DET1: variants seen among roughly 807,000 people sequenced by gnomAD.
DET1 encodes DET1 partner of COP1 E3 ubiquitin ligase.
DET1 carries 22 observed loss-of-function variants against 43.7 expected under a neutral mutation model. The observed-to-expected ratio is 0.50, with a 90% CI of 0.36 to 0.72. The LOEUF (loss-of-function observed/expected upper bound fraction) is 0.72, where lower values mean the gene tolerates loss of function less well. Among genes scored for constraint, DET1 ranks in the 30% least tolerant of loss-of-function variants. The probability of loss-of-function intolerance (pLI) is 0.00; values close to 1 mark genes in which losing one functional copy is unlikely to be tolerated. For missense variants in DET1, 713 were observed against 713.3 expected (o/e 1.00, Z 0.00); for synonymous variants, 315 against 266.2 (o/e 1.18, Z -1.79).
chr15:88,525,996 C>G (rs927784353), intron 3 of DET1, among the ~76,000 whole-genome samples: 2 of 152,022 alleles, frequency 1.3e-5, no homozygotes, highest in Non-Finnish European at 1.5e-5. Context: ...TAATTATCTG[C>G]TTAATTTTGA....
chr15:88,536,206 C>A, intron 1 of DET1: 1 of 666,760 alleles, frequency 1.5e-6, no homozygotes, highest in Non-Finnish European at 2.8e-6. Context: ...AAAATAGTAC[C>A]TCCTCAGAAA....
chr15:88,544,928 C>A (rs533556199), intron 1 of DET1, among the ~76,000 whole-genome samples: 1 of 152,232 alleles, frequency 6.6e-6, no homozygotes, highest in South Asian at 2.1e-4. Context: ...GAAGTGTCGA[C>A]CTTGTAGCAG....
intron 4 of DET1, among the ~76,000 whole-genome samples, chr15:88,514,995 A>G (rs2056301663): frequency 6.6e-6 from 1 of 152,162 alleles, no homozygotes; most frequent in Non-Finnish European, 1.5e-5. Flanking sequence ...TTTTTTATGT[A>G]TAAAAAACAC....
chr15:88,503,221 C>A (rs2056105761), intron 8 of DET1: 1 of 151,822 alleles, frequency 6.6e-6, no homozygotes, highest in Admixed American at 6.6e-5. Context: ...TGAGATCTCA[C>A]CACTACACTC....
chr15:88,523,781 G>T (rs546715601), intron 3 of DET1, among the ~76,000 whole-genome samples: 9 of 152,140 alleles, frequency 5.9e-5, no homozygotes, highest in Admixed American at 2.6e-4. Context: ...CGTGATCTCC[G>T]CTCGCTACAA....
intron 4 of DET1, among the ~76,000 whole-genome samples, chr15:88,515,590 T>C (rs1372624070): frequency 9.5e-6 from 1 of 104,750 alleles, no homozygotes. Flanking sequence ...CCAAATGCAA[T>C]GCATGAACCT....
chr15:88,519,281 CCA>C (rs1359532370), intron 3 of DET1, among the ~76,000 whole-genome samples: 3 of 152,094 alleles, frequency 2.0e-5, no homozygotes, highest in Non-Finnish European at 4.4e-5. Context: ...AGTTCCTGCC[CCA>C]GTGTCACTCT....
At chr15:88,543,404 C>G (rs907573943) in intron 1 of DET1, among the ~76,000 whole-genome samples, 2 of 152,226 alleles carry the variant, frequency 1.3e-5, no homozygotes, top group African/African-American at 4.8e-5. Flanking sequence ...TTGCATTTTA[C>G]AATATCAGAG....
At chr15:88,545,254 G>A (rs1330858006) in intron 1 of DET1, among the ~76,000 whole-genome samples, 1 of 151,932 alleles carries the variant, frequency 6.6e-6, no homozygotes, top group Admixed American at 6.6e-5. Flanking sequence ...TTTGATGTTG[G>A]GACTATGTTC....
chr15:88,526,871 T>G (rs2056676643), intron 3 of DET1, among the ~76,000 whole-genome samples: 1 of 152,198 alleles, frequency 6.6e-6, no homozygotes, highest in Admixed American at 6.5e-5. Context: ...CTGCTCCTTT[T>G]AAGAACTTTA....
chr15:88,507,881 A>G (rs1345022190), downstream of DET1, among the ~76,000 whole-genome samples: 1 of 152,220 alleles, frequency 6.6e-6, no homozygotes, highest in Non-Finnish European at 1.5e-5. Context: ...ACTGTTAGGA[A>G]CCAGGCCGCA....
chr15:88,545,528 C>A (rs1176504472), intron 1 of DET1, among the ~76,000 whole-genome samples: 2 of 152,214 alleles, frequency 1.3e-5, no homozygotes, highest in Non-Finnish European at 2.9e-5. Context: ...CCCTGGCTAA[C>A]TACTTTAATC....
At chr15:88,509,245 G>A (rs1176206260), downstream of DET1, among the ~76,000 whole-genome samples, 5 of 152,104 alleles carry the variant, frequency 3.3e-5, no homozygotes. Flanking sequence ...TGAATTCCTG[G>A]GTTCAAGCAA....
At chr15:88,542,518 A>T (rs1362959399) in intron 1 of DET1, among the ~76,000 whole-genome samples, 1 of 152,144 alleles carries the variant, frequency 6.6e-6, no homozygotes, top group Non-Finnish European at 1.5e-5. Flanking sequence ...CCACGCTCTT[A>T]ATTTGGCATT....
chr15:88,521,873 G>T (rs62023271), intron 3 of DET1, among the ~76,000 whole-genome samples: 17,493 of 150,920 alleles, frequency 0.12, 1,142 homozygotes, highest in South Asian at 0.19. Flanking sequence ...TCTGTGTGTG[G>T]GTCTTTTTCA....
chr15:88,512,419 C>T, downstream of DET1: 1 of 985,616 alleles, frequency 1.0e-6, no homozygotes, highest in Non-Finnish European at 1.2e-6. Flanking sequence ...CTTCCTGGAA[C>T]CCAAGTACTT....
At chr15:88,536,356 C>T (rs778510845) in intron 1 of DET1, 1 of 778,864 alleles carries the variant, frequency 1.3e-6, no homozygotes. Flanking sequence ...GGGAACTGGT[C>T]TAATTCCTTG....
At chr15:88,527,430 A>G (rs938804991) in intron 3 of DET1, among the ~76,000 whole-genome samples, 169 bp downstream of exon 3, 2 of 152,236 alleles carry the variant, frequency 1.3e-5, no homozygotes, top group Non-Finnish European at 1.5e-5. Context: ...AAATAATTCT[A>G]CAGGTGCTGA....
intron 3 of DET1, among the ~76,000 whole-genome samples, chr15:88,524,197 G>A (rs2056591255): frequency 6.7e-6 from 1 of 149,256 alleles, no homozygotes; most frequent in South Asian, 2.1e-4. Flanking sequence ...GAGTGTCTCT[G>A]CCCCACCGCC....
Sources: allele counts gnomAD v4.1 joint callset (sites outside exome capture counted in the v4.1 genomes callset), GRCh38; gene constraint gnomAD v4.1.1; transcripts MANE v1.5; gene names NCBI Gene and HGNC (gene_info 2026-07-23, HGNC 2026-07-21).